The following FAM186B variants were observed in gnomAD, a reference collection of about 807,000 sequenced individuals.
FAM186B encodes the protein protein FAM186B.
In FAM186B, 68 loss-of-function variants were observed where a neutral mutation model predicts 83.4. That is an observed-to-expected ratio of 0.81 (90% CI 0.67 to 1.00). The LOEUF is 1.00. Ranked by LOEUF, FAM186B falls within the 50% of genes least tolerant of loss-of-function variation. The pLI is 0.00. For synonymous variants in FAM186B, 389 were observed against 422.0 expected, an observed-to-expected ratio of 0.92 and a Z score of 0.96; for missense variants, 983 against 1,099.2, an observed-to-expected ratio of 0.89 and a Z score of 1.49.
At chr12:49,585,617 G>C (rs1365635943), downstream of FAM186B, among the ~76,000 whole-genome samples, 1 of 152,232 alleles carries the variant, frequency 6.6e-6, no homozygotes, top group Non-Finnish European at 1.5e-5. Context: ...AGTGGGCTCA[G>C]AGATGAACAG....
chr12:49,586,728 C>A (rs1357946930), downstream of FAM186B, among the ~76,000 whole-genome samples: 6 of 152,368 alleles, frequency 3.9e-5, no homozygotes, highest in South Asian at 6.2e-4. Context: ...CTTGGAAACC[C>A]TCCAGGAATT....
rs1195508017 is a variant in FAM186B, at chr12:49,601,128, T to C, written c.512A>G (p.Lys171Arg). 1.3e-6 allele frequency: 2 copies of C among 1,558,786 alleles called. No individual in the cohort carries two copies. Among genetic ancestry groups the C allele is most frequent in the African/African-American group, 2.7e-5 (2 of 72,980 alleles). ...EGQKKRSQVS[K>R]RTFWQGWQGR... ...CTGCCAGCCCTGCCAGAAGGTGCGT[T>C]TGGACACTGGGACAGGTAGAGAGAA... Residue 171 changes from lysine (K) to arginine (R), a missense_variant, in exon 4 of 7, where the codon AAA (lysine) becomes AGA (arginine). Coordinates refer to ENST00000257894, the MANE Select transcript of FAM186B (RefSeq NM_032130.3).
rs1939839828 is a variant in FAM186B, at chr12:49,600,082, G to T, written c.1558C>A (p.Gln520Lys). 1 of 1,608,706 alleles carries T rather than the reference G, an allele frequency of 6.2e-7. No individual in the cohort carries two copies. Among genetic ancestry groups the T allele is most frequent in the South Asian group, 1.1e-5 (1 of 90,292 alleles). ...LEQEHQEKLR[Q>K]WNLEDLAREQ... Reference sequence around the variant, plus strand: ...CTGGCCAGGTCTTCCAGATTCCACTGCCGCAGCTTCTCCTGATGCTCCTGC... The same window carrying T: ...CTGGCCAGGTCTTCCAGATTCCACTTCCGCAGCTTCTCCTGATGCTCCTGC... The change falls in exon 4 of 7, where the codon CAG (glutamine) becomes AAG (lysine). Residue 520 changes from glutamine (Q) to lysine (K), a missense_variant. Physicochemically the swap from Gln to Lys is moderately conservative, Grantham distance 53. Transcript: ENST00000257894. The surrounding 1 kb of genome is among the most constrained non-coding windows in gnomAD (Gnocchi z 4.3).
chr12:49,612,015 C>T, the FAM186B span, among the ~76,000 whole-genome samples: 1 of 151,958 alleles, frequency 6.6e-6, no homozygotes, highest in Non-Finnish European at 1.5e-5. Flanking sequence ...AAGAACAATA[C>T]CTGCTACCAC....
the FAM186B span, among the ~76,000 whole-genome samples, chr12:49,616,608 A>G: frequency 6.6e-6 from 1 of 152,250 alleles, no homozygotes; most frequent in Admixed American, 6.5e-5. Flanking sequence ...TAATGAAACA[A>G]GCCAGATACA....
the FAM186B span, chr12:49,622,722 A>G: frequency 6.6e-6 from 1 of 152,266 alleles, no homozygotes; most frequent in Non-Finnish European, 1.5e-5. Flanking sequence ...GCATCACGCG[A>G]GTCCCGGCTC....
At chr12:49,586,419 A>G (rs1020710345), downstream of FAM186B, among the ~76,000 whole-genome samples, 22 of 152,162 alleles carry the variant, frequency 1.4e-4, no homozygotes, top group African/African-American at 5.3e-4. Context: ...TCATGAGTGT[A>G]TGGGCTCAAG....
rs529913572 is a variant in FAM186B, at chr12:49,599,248, A to AG, written c.2171+220dup. Among the ~76,000 whole-genome samples, 374 of 152,298 alleles carry AG rather than the reference A, an allele frequency of 2.5e-3. 19 individuals are homozygous for AG. The South Asian group carries it at 0.076, about 31-fold the overall frequency. The stretch of plus-strand genomic sequence containing the variant: ...GTTGCTTAGAGGAAAAGCCCACTAC[A>AG]GGGAGAGCAGTGCTCAGTGCCCTTC... On this transcript the variant is annotated intron_variant, in intron 4 of 6. Transcript: ENST00000257894.
chr12:49,599,406 G>T, intron 4 of FAM186B, 63 bp downstream of exon 4: 1 of 1,491,682 alleles, frequency 6.7e-7, no homozygotes, highest in Non-Finnish European at 8.9e-7. Flanking sequence ...TCTCCCACTG[G>T]GTTTAGGCTC....
rs199568689 is a variant in FAM186B at position 49,598,850 on chromosome 12, G to A, written c.2269C>T (p.Gln757Ter). ...GTCCAGGCCTGCAGCCTGAGACTCT[G>A]CAGGCGGTCAATGTTTTCCAGGAAG... ...YIFLENIDRLQSLRLQAWTDK... is the reference protein window; with the variant it reads ...YIFLENIDRL The change falls in exon 5 of 7, where the codon CAG becomes TAG. Residue 757 changes from glutamine to a stop codon, truncating the protein, a stop_gained. Coordinates refer to ENST00000257894, the MANE Select transcript of FAM186B (RefSeq NM_032130.3). LOFTEE classifies it high-confidence loss of function. The A allele has an allele frequency of 1.3e-4, 209 of 1,613,358 alleles. 1 individual carries two copies. The East Asian group carries it at 4.6e-3, about 36-fold the overall frequency.
intron 5 of FAM186B, among the ~76,000 whole-genome samples, chr12:49,595,963 G>A (rs11837121): frequency 0.011 from 1,605 of 152,244 alleles, 16 homozygotes; most frequent in Non-Finnish European, 0.016. Context: ...CAGCCTGGGC[G>A]ACAGAGCGAG....
the FAM186B span, among the ~76,000 whole-genome samples, chr12:49,613,849 A>G: frequency 6.6e-6 from 1 of 151,190 alleles, no homozygotes; most frequent in South Asian, 2.1e-4. Flanking sequence ...AAAAACAAAA[A>G]CGAACAAAAT....
At chr12:49,587,438 A>T, downstream of FAM186B, 1 of 924,182 alleles carries the variant, frequency 1.1e-6, no homozygotes, top group Non-Finnish European at 1.6e-6. Flanking sequence ...CCCCGCTTAC[A>T]GCCGCCGAGC....
At chr12:49,614,683 G>T in the FAM186B span, among the ~76,000 whole-genome samples, 2 of 152,084 alleles carry the variant, frequency 1.3e-5, no homozygotes, top group African/African-American at 4.8e-5. Flanking sequence ...CAACATTCAC[G>T]CAATATACCC....
At chr12:49,598,106 C>A (rs903338589) in intron 5 of FAM186B, among the ~76,000 whole-genome samples, 7 of 152,198 alleles carry the variant, frequency 4.6e-5, no homozygotes, top group Non-Finnish European at 8.8e-5. Context: ...GGATTCTAAG[C>A]TAGACTTCCA....
At chr12:49,591,094 G>C (rs1592544879) in intron 5 of FAM186B, among the ~76,000 whole-genome samples, 1 of 152,272 alleles carries the variant, frequency 6.6e-6, no homozygotes, top group East Asian at 1.9e-4. Context: ...CAAAAGGAAT[G>C]AAACAAATGA....
At chr12:49,609,277 C>T (rs767055859), upstream of FAM186B, among the ~76,000 whole-genome samples, 3 of 152,078 alleles carry the variant, frequency 2.0e-5, no homozygotes, top group Non-Finnish European at 4.4e-5. Flanking sequence ...GCAGTGGGGC[C>T]CTCTCAGCTC....
Position 49,599,942 on chromosome 12 carries a change from C to G in FAM186B, c.1698G>C (p.Trp566Cys), listed in dbSNP as rs1291537685. The change falls in exon 4 of 7, where the codon TGG becomes TGC. Residue 566 changes from tryptophan (W) to cysteine (C), a missense_variant. Coordinates refer to ENST00000257894, the MANE Select transcript of FAM186B (RefSeq NM_032130.3). ...ATAGCTCTGCCTTCTCCAAGTCCCT[C>G]CATCGACTGGTGGGTGTGAAGATCC... ...ERRIFTPTSR[W>C]RDLEKAELSL... 6.2e-7 allele frequency: 1 copy of G among 1,613,844 alleles called. No individual in the cohort carries two copies. Among genetic ancestry groups the G allele is most frequent in the Non-Finnish European group, 8.5e-7 (1 of 1,179,948 alleles).
downstream of FAM186B, chr12:49,584,474 G>A: frequency 1.4e-6 from 1 of 702,030 alleles, no homozygotes; most frequent in Non-Finnish European, 2.6e-6. Flanking sequence ...CACTGGCTGA[G>A]GGATGCAGTG....
Sources: gnomAD v4.1 joint callset for allele counts (sites outside exome capture counted in the v4.1 genomes callset) on GRCh38, gnomAD v4.1.1 for gene constraint, Gnocchi (gnomAD v3.1) non-coding constraint, MANE v1.5 for transcripts, NCBI Gene and HGNC (gene_info 2026-07-23, HGNC 2026-07-21) for gene names.